The following TMEM235 variants were observed in gnomAD, a reference collection of about 807,000 sequenced individuals.
TMEM235 encodes the protein transmembrane protein 235.
In TMEM235, 23 loss-of-function variants were observed where a neutral mutation model predicts 22.9. The observed-to-expected ratio is 1.00, with a 90% confidence interval of 0.72 to 1.42. TMEM235 has a LOEUF of 1.42. Among genes scored for constraint, TMEM235 ranks in the 40% most tolerant of loss-of-function variants. The pLI, the probability that TMEM235 is intolerant of heterozygous loss-of-function variation, is 0.00. For missense variants in TMEM235, 308 were observed against 299.5 expected (o/e 1.03, Z -0.21); for synonymous variants, 137 against 140.5 (o/e 0.98, Z 0.17).
At position 78,234,292 on chromosome 17, in the gene TMEM235, G is replaced by A. The variant is rs752851916; in HGVS notation, c.272-301G>A. On this transcript the variant is annotated intron_variant, in intron 3 of 5. Transcript: ENST00000421688. ...TGCAGACTCCTGGCTCCCCATTTAG[G>A]ACTCGATTCTTCCAGATGGCCTGCT... 5.8e-6 allele frequency: 4 copies of A among 689,652 alleles called. No individual in the cohort carries two copies. The South Asian group carries it at 6.0e-5, about 10-fold the overall frequency. The allele number at this position is 689,652 out of a possible 1,614,324, so 42.7% of individuals were successfully genotyped here. A position where few individuals can be genotyped will look rare whatever the true frequency, so the allele number is the denominator to read the frequency against.
exon 4 of TMEM235, chr17:78,234,607 G>T (rs1257593740): frequency 6.5e-7 from 1 of 1,536,120 alleles, no homozygotes; most frequent in African/African-American, 1.4e-5. Flanking sequence ...GCACCGTGCA[G>T]TCATTGTGGT....
intron 2 of TMEM235, among the ~76,000 whole-genome samples, chr17:78,232,450 G>A (rs1050708635): frequency 6.6e-6 from 1 of 152,216 alleles, no homozygotes; most frequent in East Asian, 1.9e-4. Flanking sequence ...CTCACAGCCG[G>A]AGGAGGGGGC....
At chr17:78,231,756 C>T in exon 2 of TMEM235, 5 of 1,228,498 alleles carry the variant, frequency 4.1e-6, no homozygotes, top group Non-Finnish European at 5.3e-6. Context: ...GGATTGGAGC[C>T]CAAGCCCCAG....
At position 78,238,979 on chromosome 17, in the gene TMEM235, G is replaced by A. The variant is rs568119124; in HGVS notation, c.410-45G>A. The A allele has an allele frequency of 1.3e-5, 19 of 1,514,216 alleles. No individual in the cohort carries two copies. Among genetic ancestry groups the A allele is most frequent in the South Asian group, 1.1e-4 (9 of 81,418 alleles). The allele number at this position is 1,514,216 out of a possible 1,614,324, so 93.8% of individuals were successfully genotyped here. A position where few individuals can be genotyped will look rare whatever the true frequency, so the allele number is the denominator to read the frequency against. ...TGCAGGACCACCTGGGCCTGGGCCC[G>A]CTAGAGCAGACACCGAGCAGCTGCC... On this transcript the variant is annotated intron_variant, in intron 4 of 5. Transcript: ENST00000421688. This position sits in a 1 kb window ranked among gnomAD's most constrained non-coding sequence, Gnocchi z 4.3.
exon 6 of TMEM235, chr17:78,239,867 G>A: frequency 6.4e-7 from 1 of 1,551,488 alleles, no homozygotes; most frequent in South Asian, 1.2e-5. Context: ...AGGCCTCCCT[G>A]GCCTCTGTTC....
rs184954560 is a variant in TMEM235 at position 78,238,636 on chromosome 17, G to C, written c.410-388G>C. ...GGTGTGCATGTGCATGTGTGTGCTG[G>C]GGGCCATGGAGGGTACAGAGTGTGT... On this transcript the variant is annotated intron_variant, in intron 4 of 5. Transcript: ENST00000421688. The surrounding 1 kb of genome is among the most constrained non-coding windows in gnomAD (Gnocchi z 4.3). Among the ~76,000 whole-genome samples, 81 of 151,454 alleles carry C rather than the reference G, an allele frequency of 5.3e-4. 1 individual carries two copies. The South Asian group carries it at 0.01, about 19-fold the overall frequency.
intron 3 of TMEM235, 171 bp downstream of exon 2, chr17:78,234,146 T>C: frequency 1.4e-6 from 1 of 706,860 alleles, no homozygotes; most frequent in Non-Finnish European, 2.5e-6. Context: ...TAACCACAGG[T>C]GCCCAGCTCC....
intron 2 of TMEM235, among the ~76,000 whole-genome samples, chr17:78,233,204 TGTATGCCCACATGACACGAGTCAGG>T (rs2076603960): frequency 6.6e-6 from 1 of 152,206 alleles, no homozygotes; most frequent in African/African-American, 2.4e-5. Context: ...CCAGAGAGTA[TGTATGCCCACATGACACGAGTCAGG>T]AAGATTCCAG....
chr17:78,239,651 C>G (rs916864647), intron 5 of TMEM235, 129 bp from the exon 5 acceptor site: 12 of 1,446,982 alleles, frequency 8.3e-6, no homozygotes, highest in South Asian at 4.3e-5. Context: ...TAGTGAGTCA[C>G]TGCTGCCCCC....
At chr17:78,233,798 C>A in intron 2 of TMEM235, 97 bp from the exon 2 acceptor site, 1 of 1,037,236 alleles carries the variant, frequency 9.6e-7, no homozygotes, top group Non-Finnish European at 1.4e-6. Context: ...GAGAAGCTGG[C>A]AGGGCCCTGT....
Position 78,238,887 on chromosome 17 carries a change from G to A in TMEM235, c.410-137G>A. ...AGCCAGGCAGGGCTAACCATGACAG[G>A]AAGGGCGGTGTGCTGCCTGCAGCTC... On this transcript the variant is annotated intron_variant, in intron 4 of 5. Coordinates refer to ENST00000421688, the Ensembl canonical transcript of TMEM235. The surrounding 1 kb of genome is among the most constrained non-coding windows in gnomAD (Gnocchi z 4.3). 7.4e-7 allele frequency: 1 copy of A among 1,342,484 alleles called. No individual in the cohort carries two copies. Among genetic ancestry groups the A allele is most frequent in the Non-Finnish European group, 9.9e-7 (1 of 1,010,328 alleles). 83.2% of individuals were successfully genotyped at this position (1,342,484 alleles called of 1,614,324 possible). A position where few individuals can be genotyped will look rare whatever the true frequency, so the allele number is the denominator to read the frequency against.
At chr17:78,234,679 G>A (rs1177114920) in exon 4 of TMEM235, 3 of 1,536,144 alleles carry the variant, frequency 2.0e-6, no homozygotes, top group African/African-American at 2.7e-5. Context: ...CAGCTCCCTG[G>A]CCCAGAGCGT....
intron 4 of TMEM235, among the ~76,000 whole-genome samples, chr17:78,235,386 C>T (rs1186512112): frequency 2.6e-5 from 4 of 151,774 alleles, no homozygotes; most frequent in Admixed American, 6.6e-5. Context: ...ATCCTGGGTT[C>T]GAGCAATTCT....
chr17:78,232,437 C>G (rs1209063296), intron 2 of TMEM235, among the ~76,000 whole-genome samples: 1 of 152,194 alleles, frequency 6.6e-6, no homozygotes, highest in East Asian at 1.9e-4. Flanking sequence ...CAGTTCGGGG[C>G]CCCTCACAGC....
At chr17:78,232,804 AGGGGTG>A (rs1420586804) in intron 2 of TMEM235, among the ~76,000 whole-genome samples, 7 of 152,090 alleles carry the variant, frequency 4.6e-5, no homozygotes, top group Non-Finnish European at 1.0e-4. Context: ...CTGGCAGGGC[AGGGGTG>A]TGTGTGTGAG....
At chr17:78,232,803 C>A (rs553883740) in intron 2 of TMEM235, among the ~76,000 whole-genome samples, 1 of 152,128 alleles carries the variant, frequency 6.6e-6, no homozygotes, top group African/African-American at 2.4e-5. Flanking sequence ...GCTGGCAGGG[C>A]AGGGGTGTGT....
chr17:78,239,731 C>T (rs1331624062), intron 5 of TMEM235, 49 bp from the exon 5 acceptor site: 16 of 1,510,162 alleles, frequency 1.1e-5, no homozygotes, highest in African/African-American at 1.4e-5. Flanking sequence ...TGCTCCTCTC[C>T]AGCCCCGCAA....
chr17:78,239,499 T>C (rs762640352), intron 5 of TMEM235, among the ~76,000 whole-genome samples: 32 of 152,226 alleles, frequency 2.1e-4, no homozygotes, highest in Non-Finnish European at 3.2e-4. Context: ...TAGGGACTAA[T>C]TGGTTCAACC....
exon 5 of TMEM235, chr17:78,239,072 T>C (rs1251617351): frequency 6.5e-7 from 1 of 1,544,446 alleles, no homozygotes; most frequent in Non-Finnish European, 8.7e-7. Context: ...TACTCGCACC[T>C]GGCCTTTGCG....
Sources: gnomAD v4.1 joint callset for allele counts (sites outside exome capture counted in the v4.1 genomes callset) on GRCh38, gnomAD v4.1.1 for gene constraint, Gnocchi (gnomAD v3.1) non-coding constraint, MANE v1.5 for transcripts, NCBI Gene and HGNC (gene_info 2026-07-23, HGNC 2026-07-21) for gene names.